Variants in NKAIN3 observed in about 807,000 individuals in gnomAD.
The protein encoded by NKAIN3 is sodium/potassium transporting ATPase interacting 3.
In NKAIN3, 25 loss-of-function variants were observed where a neutral mutation model predicts 30.2. That is an observed-to-expected ratio of 0.83 (90% CI 0.60 to 1.16). NKAIN3 has a LOEUF of 1.16. Ranked by LOEUF, NKAIN3 falls within the 50% of genes most tolerant of loss-of-function variation. NKAIN3 has a pLI of 0.00. For synonymous variants in NKAIN3, 91 were observed against 89.6 expected (o/e 1.02, Z -0.09); for missense variants, 225 against 254.1 (o/e 0.89, Z 0.78).
rs991918051 is a variant in NKAIN3, at chr8:62,984,764, G to C, written c.*19357G>C. The C allele has an allele frequency of 3.3e-5, 5 of 152,230 alleles. No individual in the cohort carries two copies. The highest frequency in any genetic ancestry group is 7.4e-5 in the Non-Finnish European group (5 of 68,006). The allele number at this position is 152,230 out of a possible 1,614,324, so 9.4% of individuals were successfully genotyped here. A position where few individuals can be genotyped will look rare whatever the true frequency, so the allele number is the denominator to read the frequency against. On this transcript the variant is annotated 3_prime_UTR_variant, in exon 7 of 7. Transcript: ENST00000623646. ...GTATATTATACTCATATTTGAAAGT[G>C]ATCAGAAAGTGTTATTTAACAGAAA...
intron 1 of NKAIN3, among the ~76,000 whole-genome samples, chr8:62,527,171 A>T (rs1203784473): frequency 3.3e-5 from 5 of 152,178 alleles, no homozygotes; most frequent in Non-Finnish European, 7.4e-5. Flanking sequence ...TCCTCAGCTG[A>T]GATGTACACC....
chr8:62,488,232 A>T (rs895210044), intron 1 of NKAIN3, among the ~76,000 whole-genome samples: 3 of 152,050 alleles, frequency 2.0e-5, no homozygotes, highest in African/African-American at 7.2e-5. Context: ...TGGTTCACCC[A>T]CAGAGAACAT....
intron 4 of NKAIN3, among the ~76,000 whole-genome samples, chr8:62,772,723 C>G (rs10094984): frequency 0.088 from 13,226 of 149,974 alleles, 596 homozygotes; most frequent in Middle Eastern, 0.092. Context: ...TGCAGTGGCA[C>G]GATCTCAGCT....
At chr8:62,723,168 A>C (rs1815145132) in intron 3 of NKAIN3, among the ~76,000 whole-genome samples, 1 of 152,168 alleles carries the variant, frequency 6.6e-6, no homozygotes, top group Non-Finnish European at 1.5e-5. Flanking sequence ...AAATGGAATA[A>C]CTAAAATAAT....
intron 1 of NKAIN3, among the ~76,000 whole-genome samples, chr8:62,270,263 G>A (rs1334764705): frequency 6.6e-6 from 1 of 151,930 alleles, no homozygotes; most frequent in African/African-American, 2.4e-5. Flanking sequence ...AAATTTTCTT[G>A]TAGAGATAGG....
In NKAIN3 at chr8:62,810,479, A is replaced by G. The variant is rs114206290; in HGVS notation, c.471+63350A>G. ...GACAACCACAAGTCACTTAGACTCC[A>G]TGGGCTTCAGTTTTTTCATTTGTAA... On this transcript the variant is annotated intron_variant, in intron 4 of 6. Coordinates refer to ENST00000623646, the MANE Select transcript of NKAIN3 (RefSeq NM_001304533.3). Among the ~76,000 whole-genome samples the G allele has an allele frequency of 9.1e-3, 1,380 of 152,244 alleles. 13 individuals are homozygous for G. Among genetic ancestry groups the G allele is most frequent in the African/African-American group, 0.028 (1,178 of 41,554 alleles).
At chr8:62,729,917 A>G (rs1815414430) in intron 3 of NKAIN3, among the ~76,000 whole-genome samples, 1 of 152,242 alleles carries the variant, frequency 6.6e-6, no homozygotes, top group South Asian at 2.1e-4. Context: ...AGAGAGTTAA[A>G]TTGCAGAATC....
intron 1 of NKAIN3, among the ~76,000 whole-genome samples, chr8:62,534,647 C>T (rs1007146506): frequency 2.0e-5 from 3 of 152,062 alleles, no homozygotes; most frequent in Non-Finnish European, 4.4e-5. Context: ...CTGGGCCCCA[C>T]CCCCAGACTT....
intron 1 of NKAIN3, among the ~76,000 whole-genome samples, chr8:62,339,815 G>A (rs1815682891): frequency 6.6e-6 from 1 of 151,968 alleles, no homozygotes; most frequent in Non-Finnish European, 1.5e-5. Context: ...TATAATGTAA[G>A]AACGGTGGGC....
intron 5 of NKAIN3, chr8:62,990,760 G>A (rs1259200400): frequency 1.3e-5 from 2 of 152,210 alleles, no homozygotes; most frequent in African/African-American, 4.8e-5. Context: ...TCCATTCGAA[G>A]TGTCGTAATT....
At chr8:62,595,511 C>A (rs1296342543) in intron 3 of NKAIN3, among the ~76,000 whole-genome samples, 1 of 150,584 alleles carries the variant, frequency 6.6e-6, no homozygotes, top group Admixed American at 6.7e-5. Context: ...GGGTTTATAT[C>A]CCGATCCTTG....
rs6983219 is a variant in NKAIN3, at chr8:62,974,204, A to G, written c.*8797A>G. On this transcript the variant is annotated 3_prime_UTR_variant, in exon 7 of 7. Coordinates refer to ENST00000623646, the MANE Select transcript of NKAIN3 (RefSeq NM_001304533.3). ...AGTTTTTTCTAATTCTGTGAAGAAA[A>G]TCAATGTTAGTTTGATGGGAATAGC... 0.11 allele frequency among the ~76,000 whole-genome samples: 16,282 copies of G among 152,088 alleles called. 923 individuals carry two copies. Among genetic ancestry groups the G allele is most frequent in the South Asian group, 0.17 (820 of 4,822 alleles).
At chr8:62,658,308 G>C (rs1464338717) in intron 3 of NKAIN3, among the ~76,000 whole-genome samples, 1 of 152,144 alleles carries the variant, frequency 6.6e-6, no homozygotes, top group African/African-American at 2.4e-5. Flanking sequence ...CATAAACACG[G>C]CACATCAGCC....
chr8:62,732,086 T>G (rs1429010127), intron 3 of NKAIN3, among the ~76,000 whole-genome samples: 1 of 152,110 alleles, frequency 6.6e-6, no homozygotes, highest in Non-Finnish European at 1.5e-5. Context: ...TACACTTGGG[T>G]TTTATTTTTA....
At chr8:62,993,413 A>C (rs536608942) in intron 5 of NKAIN3, among the ~76,000 whole-genome samples, 1 of 152,364 alleles carries the variant, frequency 6.6e-6, no homozygotes, top group East Asian at 1.9e-4. Flanking sequence ...AAATGTACTC[A>C]AACTTTAAGT....
intron 1 of NKAIN3, among the ~76,000 whole-genome samples, chr8:62,249,707 C>T (rs1812029827): frequency 6.6e-6 from 1 of 152,174 alleles, no homozygotes; most frequent in African/African-American, 2.4e-5. Context: ...CAGCCCCTGC[C>T]CTTCCAGTTC....
chr8:62,500,489 A>AAGAAAAG (rs1563427552), intron 1 of NKAIN3, among the ~76,000 whole-genome samples: 1 of 124,582 alleles, frequency 8.0e-6, no homozygotes, highest in African/African-American at 3.4e-5. Context: ...AAGAAAGAAG[A>AAGAAAAG]AAAGAAAGAA....
chr8:62,558,593 C>T (rs2129967726), intron 1 of NKAIN3, among the ~76,000 whole-genome samples: 1 of 152,164 alleles, frequency 6.6e-6, no homozygotes, highest in African/African-American at 2.4e-5. Flanking sequence ...AAATTGCTAA[C>T]ATTATGATTC....
intron 1 of NKAIN3, among the ~76,000 whole-genome samples, chr8:62,266,231 T>C (rs1812593497): frequency 6.6e-6 from 1 of 152,168 alleles, no homozygotes; most frequent in Admixed American, 6.6e-5. Context: ...AGATTCTATG[T>C]TTTATAAAAC....
Sources: gnomAD v4.1 joint callset for allele counts (sites outside exome capture counted in the v4.1 genomes callset) on GRCh38, gnomAD v4.1.1 for gene constraint, MANE v1.5 for transcripts, NCBI Gene and HGNC (gene_info 2026-07-23, HGNC 2026-07-21) for gene names.